Variants in SH3RF3 observed in about 807,000 individuals in gnomAD.
The protein encoded by SH3RF3 is E3 ubiquitin-protein ligase SH3RF3.
A neutral mutation model predicts 66.3 loss-of-function variants in SH3RF3; 29 were observed. That is an observed-to-expected ratio of 0.44 (90% CI 0.33 to 0.60). SH3RF3 has a LOEUF of 0.60. Ranked by LOEUF, SH3RF3 falls within the 20% of genes least tolerant of loss-of-function variation. The probability of loss-of-function intolerance (pLI) is 0.04; values close to 1 mark genes in which losing one functional copy is unlikely to be tolerated. For synonymous variants in SH3RF3, 583 were observed against 532.0 expected, an observed-to-expected ratio of 1.10 and a Z score of -1.32; for missense variants, 1,194 against 1,190.9, an observed-to-expected ratio of 1.00 and a Z score of -0.04.
At chr2:109,373,054 T>C (rs1037293518) in intron 3 of SH3RF3, among the ~76,000 whole-genome samples, 1 of 152,210 alleles carries the variant, frequency 6.6e-6, no homozygotes, top group Non-Finnish European at 1.5e-5. Context: ...CCAGTGGTTC[T>C]CGCACATTTA....
intron 1 of SH3RF3, among the ~76,000 whole-genome samples, chr2:109,231,644 T>C (rs1679518063): frequency 6.6e-6 from 1 of 152,240 alleles, no homozygotes; most frequent in South Asian, 2.1e-4. Context: ...GACATGTGGC[T>C]GAGGACTTCA....
chr2:109,227,464 A>G (rs1574515662), intron 1 of SH3RF3, among the ~76,000 whole-genome samples: 1 of 152,194 alleles, frequency 6.6e-6, no homozygotes, highest in African/African-American at 2.4e-5. Context: ...GACTGGAGTT[A>G]TGAGGATGGT....
chr2:109,455,691 C>T (rs563032664), intron 8 of SH3RF3, among the ~76,000 whole-genome samples: 3 of 152,304 alleles, frequency 2.0e-5, no homozygotes, highest in East Asian at 3.9e-4. Flanking sequence ...TATTTCCTCT[C>T]GAGTGGAGGC....
intron 4 of SH3RF3, among the ~76,000 whole-genome samples, chr2:109,401,643 A>G (rs1322005843): frequency 5.3e-5 from 8 of 152,204 alleles, no homozygotes; most frequent in Admixed American, 4.6e-4. Context: ...CTGTGTCCCA[A>G]GAGGGCCAGG....
At position 109,433,148 on chromosome 2, in the gene SH3RF3, C is replaced by T. The variant is rs553934916; in HGVS notation, c.1574+477C>T. On this transcript the variant is annotated intron_variant, in intron 6 of 9. Transcript: ENST00000309415. ...GCATACTGTAAGCACAAGGTGTGTG[C>T]GTGTGTGCATAATGTAGGTACAGCA... Among the ~76,000 whole-genome samples the T allele has an allele frequency of 1.1e-4, 16 of 152,164 alleles. No individual in the cohort carries two copies. In the East Asian group the frequency reaches 2.7e-3, roughly 26 times the overall value.
intron 1 of SH3RF3, among the ~76,000 whole-genome samples, chr2:109,247,312 C>T (rs571909894): frequency 6.6e-6 from 1 of 152,196 alleles, no homozygotes; most frequent in East Asian, 1.9e-4. Context: ...TTTCTTGAGC[C>T]CTTTATCCAA....
intron 1 of SH3RF3, among the ~76,000 whole-genome samples, chr2:109,335,399 G>A (rs2105505430): frequency 6.6e-6 from 1 of 152,244 alleles, no homozygotes; most frequent in Middle Eastern, 3.4e-3. Flanking sequence ...CCCTTCCACA[G>A]CCCCTACCCT....
chr2:109,239,580 T>G (rs539787691), intron 1 of SH3RF3, among the ~76,000 whole-genome samples: 5 of 152,196 alleles, frequency 3.3e-5, no homozygotes, highest in African/African-American at 1.2e-4. Context: ...CACCATTGTT[T>G]GCACACACGA....
At chr2:109,288,734 G>A (rs1681096066) in intron 1 of SH3RF3, among the ~76,000 whole-genome samples, 1 of 152,178 alleles carries the variant, frequency 6.6e-6, no homozygotes. Context: ...AGGAACATGG[G>A]TAAAAGTTGT....
intron 1 of SH3RF3, among the ~76,000 whole-genome samples, chr2:109,341,911 G>T (rs1431951386): frequency 1.3e-5 from 2 of 152,204 alleles, no homozygotes; most frequent in African/African-American, 4.8e-5. Flanking sequence ...TTGAAATTTG[G>T]AATATTCTGA....
intron 1 of SH3RF3, among the ~76,000 whole-genome samples, chr2:109,143,758 AAAACAAAAC>A (rs1255779201): frequency 8.2e-6 from 1 of 121,518 alleles, no homozygotes; most frequent in Non-Finnish European, 2.0e-5. Flanking sequence ...TGTCTGAAAC[AAAACAAAAC>A]AAACAAACAA....
chr2:109,190,473 C>T (rs955467244), intron 1 of SH3RF3, among the ~76,000 whole-genome samples: 1 of 152,166 alleles, frequency 6.6e-6, no homozygotes, highest in Non-Finnish European at 1.5e-5. Flanking sequence ...TGCGCCTGGT[C>T]GACATCCTAT....
intron 3 of SH3RF3, among the ~76,000 whole-genome samples, chr2:109,395,433 G>A (rs1232482827): frequency 6.6e-6 from 1 of 152,228 alleles, no homozygotes; most frequent in Admixed American, 6.5e-5. Context: ...CGGTTCGCCT[G>A]CCTGGCTGCT....
At chr2:109,391,905 C>T (rs573620650) in intron 3 of SH3RF3, among the ~76,000 whole-genome samples, 10 of 152,020 alleles carry the variant, frequency 6.6e-5, no homozygotes, top group South Asian at 4.2e-4. Context: ...AGTGGCGTGA[C>T]CTCTCAGGCT....
chr2:109,476,748 T>TGAGCC, intron 8 of SH3RF3, among the ~76,000 whole-genome samples: 1 of 152,198 alleles, frequency 6.6e-6, no homozygotes, highest in East Asian at 1.9e-4. Flanking sequence ...GAATAGCTGT[T>TGAGCC]CCATAGACAG....
intron 1 of SH3RF3, among the ~76,000 whole-genome samples, chr2:109,225,854 C>T (rs1679363351): frequency 6.6e-6 from 1 of 152,238 alleles, no homozygotes; most frequent in Non-Finnish European, 1.5e-5. Flanking sequence ...TAGCCTTGAC[C>T]TCCTGGGATG....
intron 3 of SH3RF3, among the ~76,000 whole-genome samples, chr2:109,387,811 G>C (rs571953599): frequency 6.6e-6 from 1 of 152,274 alleles, no homozygotes; most frequent in East Asian, 1.9e-4. Context: ...GCCTGCAGTA[G>C]GTGCCCAATT....
intron 1 of SH3RF3, among the ~76,000 whole-genome samples, chr2:109,169,674 T>A (rs1392558333): frequency 6.6e-6 from 1 of 152,162 alleles, no homozygotes; most frequent in Non-Finnish European, 1.5e-5. Flanking sequence ...TGTGTTTAAT[T>A]GTTTTCATTG....
chr2:109,389,443 G>T (rs1471128106), intron 3 of SH3RF3, among the ~76,000 whole-genome samples: 1 of 152,228 alleles, frequency 6.6e-6, no homozygotes, highest in African/African-American at 2.4e-5. Flanking sequence ...ATGAGTGTGT[G>T]AGCCTAGAGA....
Sources: allele counts gnomAD v4.1 joint callset (sites outside exome capture counted in the v4.1 genomes callset), GRCh38; gene constraint gnomAD v4.1.1; transcripts MANE v1.5; gene names NCBI Gene and HGNC (gene_info 2026-07-23, HGNC 2026-07-21).